The following IMMP2L variants were observed in gnomAD, a reference collection of about 807,000 sequenced individuals.
IMMP2L encodes inner mitochondrial membrane peptidase subunit 2, also known as mitochondrial inner membrane protease subunit 2.
Under a neutral mutation model 19.3 loss-of-function variants are expected in IMMP2L, and 18 were observed. That is an observed-to-expected ratio of 0.93 (90% CI 0.64 to 1.38). The LOEUF is 1.38. Among genes scored for constraint, IMMP2L ranks in the 40% most tolerant of loss-of-function variants. IMMP2L has a pLI of 0.00. For missense variants in IMMP2L, 233 were observed against 218.2 expected, an observed-to-expected ratio of 1.07 and a Z score of -0.43; for synonymous variants, 76 against 73.0, an observed-to-expected ratio of 1.04 and a Z score of -0.21.
intron 5 of IMMP2L, among the ~76,000 whole-genome samples, chr7:110,817,760 C>T (rs564659682): frequency 4.0e-4 from 61 of 152,180 alleles, no homozygotes; most frequent in African/African-American, 1.4e-3. Context: ...GGTACCAAAA[C>T]AAAGATATAG....
chr7:111,044,905 AATTT>A (rs1432561056), intron 3 of IMMP2L, among the ~76,000 whole-genome samples: 1 of 152,222 alleles, frequency 6.6e-6, no homozygotes, highest in Middle Eastern at 3.2e-3. Context: ...GTTTATTTAT[AATTT>A]ATTTATACAC....
At chr7:110,999,140 T>A (rs1051657230) in intron 3 of IMMP2L, among the ~76,000 whole-genome samples, 1 of 152,088 alleles carries the variant, frequency 6.6e-6, no homozygotes, top group Non-Finnish European at 1.5e-5. Context: ...TGTTAAGGCA[T>A]TTTTTTCTTC....
chr7:111,126,708 A>G (rs1788808736), intron 3 of IMMP2L, among the ~76,000 whole-genome samples: 1 of 152,166 alleles, frequency 6.6e-6, no homozygotes, highest in South Asian at 2.1e-4. Context: ...ATTTTTACAA[A>G]CAAACCCCCA....
chr7:111,115,514 C>T (rs183290931), intron 3 of IMMP2L, among the ~76,000 whole-genome samples: 9 of 151,782 alleles, frequency 5.9e-5, no homozygotes, highest in African/African-American at 2.2e-4. Context: ...AAGATTTCAT[C>T]CCCCCCTCTG....
chr7:110,827,743 A>C (rs193095737), intron 5 of IMMP2L, among the ~76,000 whole-genome samples: 1 of 152,272 alleles, frequency 6.6e-6, no homozygotes, highest in African/African-American at 2.4e-5. Flanking sequence ...CTTTATTCAC[A>C]GGAAAAGAGT....
intron 5 of IMMP2L, among the ~76,000 whole-genome samples, chr7:110,740,185 C>G (rs1293259085): frequency 6.6e-6 from 1 of 151,974 alleles, no homozygotes; most frequent in East Asian, 1.9e-4. Context: ...AAACCCAAAC[C>G]CATCAGAAGA....
intron 3 of IMMP2L, among the ~76,000 whole-genome samples, chr7:111,297,420 T>C (rs1181569032): frequency 1.3e-5 from 2 of 152,084 alleles, no homozygotes; most frequent in African/African-American, 4.8e-5. Flanking sequence ...ATATTCCAAG[T>C]GTTGTCAAGA....
intron 5 of IMMP2L, among the ~76,000 whole-genome samples, chr7:110,849,031 A>T (rs2131511520): frequency 6.6e-6 from 1 of 152,252 alleles, no homozygotes; most frequent in Non-Finnish European, 1.5e-5. Flanking sequence ...CATAGAATGT[A>T]CACAACCAAG....
intron 5 of IMMP2L, among the ~76,000 whole-genome samples, chr7:110,865,063 C>T (rs1298222505): frequency 2.0e-5 from 3 of 151,962 alleles, no homozygotes; most frequent in Non-Finnish European, 4.4e-5. Flanking sequence ...TATTCTTACC[C>T]ACTTTTAACA....
intron 3 of IMMP2L, among the ~76,000 whole-genome samples, chr7:111,116,560 T>C (rs1799904204): frequency 6.6e-6 from 1 of 152,182 alleles, no homozygotes; most frequent in Non-Finnish European, 1.5e-5. Flanking sequence ...ACACAAAATC[T>C]CTACAATTTC....
intron 3 of IMMP2L, among the ~76,000 whole-genome samples, chr7:111,356,403 T>C (rs1330250524): frequency 6.6e-6 from 1 of 152,144 alleles, no homozygotes; most frequent in East Asian, 1.9e-4. Context: ...ATATATGTAA[T>C]CTAGAGGTGA....
intron 2 of IMMP2L, among the ~76,000 whole-genome samples, chr7:111,502,503 T>G (rs1417724094): frequency 1.3e-5 from 2 of 152,002 alleles, no homozygotes; most frequent in Non-Finnish European, 2.9e-5. Flanking sequence ...CCACCCCAAA[T>G]CAACAGAATA....
At chr7:111,260,468 T>G (rs1204338916) in intron 3 of IMMP2L, among the ~76,000 whole-genome samples, 1 of 152,118 alleles carries the variant, frequency 6.6e-6, no homozygotes, top group African/African-American at 2.4e-5. Context: ...CTTGGCCAGT[T>G]CACTACAGAG....
chr7:111,348,854 A>G (rs1024080866), intron 3 of IMMP2L, among the ~76,000 whole-genome samples: 2 of 152,198 alleles, frequency 1.3e-5, no homozygotes, highest in African/African-American at 4.8e-5. Context: ...AATGAATATG[A>G]CTTCTTCTGT....
intron 3 of IMMP2L, among the ~76,000 whole-genome samples, chr7:111,471,370 A>C (rs1464088157): frequency 1.3e-5 from 2 of 152,074 alleles, no homozygotes; most frequent in Non-Finnish European, 2.9e-5. Context: ...AGGTAATTAA[A>C]GCTGACTCTA....
At chr7:111,555,261 G>A (rs530746439) in intron 1 of IMMP2L, among the ~76,000 whole-genome samples, 8 of 152,088 alleles carry the variant, frequency 5.3e-5, no homozygotes, top group African/African-American at 9.6e-5. Context: ...GAGTTTTTAC[G>A]CACAACTGGA....
chr7:110,857,005 G>A (rs1373359215), intron 5 of IMMP2L, among the ~76,000 whole-genome samples: 5 of 152,080 alleles, frequency 3.3e-5, no homozygotes, highest in Admixed American at 6.6e-5. Context: ...ACAGGTCAAT[G>A]TGTTCAATTG....
At chr7:111,062,540 A>G (rs988194823) in intron 3 of IMMP2L, among the ~76,000 whole-genome samples, 4 of 152,088 alleles carry the variant, frequency 2.6e-5, no homozygotes, top group African/African-American at 9.7e-5. Flanking sequence ...TAAAGTCTTA[A>G]CTCATTTCAG....
intron 4 of IMMP2L, among the ~76,000 whole-genome samples, chr7:110,945,052 A>C (rs962259735): frequency 6.6e-6 from 1 of 151,898 alleles, no homozygotes; most frequent in Non-Finnish European, 1.5e-5. Flanking sequence ...AAAGGGAACA[A>C]GACAAAAGGA....
Sources: gnomAD v4.1 joint callset for allele counts (sites outside exome capture counted in the v4.1 genomes callset) on GRCh38, gnomAD v4.1.1 for gene constraint, MANE v1.5 for transcripts, NCBI Gene and HGNC (gene_info 2026-07-23, HGNC 2026-07-21) for gene names.